C7: variants seen among roughly 807,000 people sequenced by gnomAD.
The protein encoded by C7 is complement component C7.
C7 carries 83 observed loss-of-function variants against 104.8 expected under a neutral mutation model. The ratio of observed to expected loss-of-function variants is 0.79; its 90% CI spans 0.66 to 0.95. The LOEUF (loss-of-function observed/expected upper bound fraction) is 0.95. C7 is among the 40% of genes least tolerant of loss of function. The pLI, the probability that C7 is intolerant of heterozygous loss-of-function variation, is 0.00. For missense variants in C7, 1,070 were observed against 1,011.2 expected (o/e 1.06, Z -0.79); for synonymous variants, 415 against 360.6 (o/e 1.15, Z -1.71).
Position 40,959,548 on chromosome 5 carries a change from G to T in C7, c.1589G>T (p.Gly530Val). The T allele has an allele frequency of 6.2e-7, 1 of 1,611,076 alleles. No homozygotes were observed. Among genetic ancestry groups the T allele is most frequent in the Non-Finnish European group, 8.5e-7 (1 of 1,179,106 alleles). Residue 530 changes from glycine to valine, a missense_variant, in exon 12 of 18, where the codon GGG (glycine) becomes GTG (valine). Gly to Val is a moderately radical substitution (Grantham distance 109). Transcript: ENST00000313164. ...SRECNNPPPS[G>V]GGRSCVGETT... is the part of the protein sequence containing the mutation. ...GAATGCAATAACCCACCTCCCAGTG[G>T]GGGTGGGAGATCCTGCGTTGGAGAA...
At chr5:40,973,886 G>A (rs1251632980) in intron 15 of C7, among the ~76,000 whole-genome samples, 1 of 152,194 alleles carries the variant, frequency 6.6e-6, no homozygotes, top group Non-Finnish European at 1.5e-5. Flanking sequence ...TTCTATTAAA[G>A]TGGGTTTTAA....
chr5:40,959,490 C>G lies in C7; in HGVS notation c.1531C>G (p.Pro511Ala). 1 of 1,611,250 alleles carries G rather than the reference C, an allele frequency of 6.2e-7. No homozygotes were observed. Among genetic ancestry groups the G allele is most frequent in the Non-Finnish European group, 8.5e-7 (1 of 1,179,232 alleles). Residue 511 changes from proline (P) to alanine (A), a missense_variant, in exon 12 of 18, where the codon CCC becomes GCC. Physicochemically the swap from Pro to Ala is conservative, Grantham distance 27. Coordinates refer to ENST00000313164, the MANE Select transcript of C7 (RefSeq NM_000587.4). ...TTGGAGTTGCTGGTCCTCTTGGAGC[C>G]CCTGTGTCCAAGGGAAGAAAACAAG... is the stretch of plus-strand genomic sequence containing the variant. Reference protein sequence around the residue: ...GGWSCWSSWSPCVQGKKTRSR... With the variant: ...GGWSCWSSWSACVQGKKTRSR...
chr5:40,975,825 T>C (rs547233005), intron 15 of C7, among the ~76,000 whole-genome samples: 43 of 152,346 alleles, frequency 2.8e-4, no homozygotes, highest in Admixed American at 6.5e-4. Flanking sequence ...TTTCATAGTT[T>C]GTGTATTCAT....
In C7 at chr5:40,950,079, A is replaced by G; in HGVS notation, c.1093+65A>G. Reference sequence around the variant, plus strand: ...TCTTTTTTTTTTACTTTTAAGTTCAAGGGTACGCGTGAAGTTATGTAGGTA... The same window carrying G: ...TCTTTTTTTTTTACTTTTAAGTTCAGGGGTACGCGTGAAGTTATGTAGGTA... On this transcript the variant is annotated intron_variant, in intron 9 of 17. Coordinates refer to ENST00000313164, the MANE Select transcript of C7 (RefSeq NM_000587.4). The G allele has an allele frequency of 6.6e-6, 6 of 912,018 alleles. No homozygotes were observed. The South Asian group carries it at 9.6e-5, about 15-fold the overall frequency. 56.5% of individuals were successfully genotyped at this position (912,018 alleles called of 1,614,324 possible).
chr5:40,941,384 C>T (rs1442388143), intron 6 of C7, among the ~76,000 whole-genome samples: 6 of 152,016 alleles, frequency 3.9e-5, no homozygotes, highest in Non-Finnish European at 7.4e-5. Flanking sequence ...TTTTGAATAA[C>T]TGAATGAAGT....
At chr5:40,974,639 C>T (rs1232046446) in intron 15 of C7, among the ~76,000 whole-genome samples, 3 of 152,020 alleles carry the variant, frequency 2.0e-5, no homozygotes, top group South Asian at 4.1e-4. Flanking sequence ...AGGATGGTCC[C>T]GATCTCCTGA....
At chr5:40,973,252 G>T (rs1740736924) in intron 15 of C7, among the ~76,000 whole-genome samples, 1 of 152,044 alleles carries the variant, frequency 6.6e-6, no homozygotes, top group African/African-American at 2.4e-5. Context: ...AGATAGATTT[G>T]TTTGACAATA....
intron 1 of C7, among the ~76,000 whole-genome samples, chr5:40,921,271 C>CA (rs1227508044): frequency 6.6e-6 from 1 of 151,780 alleles, no homozygotes; most frequent in African/African-American, 2.4e-5. Context: ...AAAGATTCTA[C>CA]AAAAAATACT....
chr5:40,915,692 C>A (rs1739303737), intron 1 of C7, among the ~76,000 whole-genome samples: 1 of 152,114 alleles, frequency 6.6e-6, no homozygotes, highest in Non-Finnish European at 1.5e-5. Context: ...AAATAACCTC[C>A]CCCAACATTG....
intron 16 of C7, among the ~76,000 whole-genome samples, chr5:40,978,210 C>T (rs991112077): frequency 4.6e-5 from 7 of 151,172 alleles, no homozygotes; most frequent in East Asian, 1.9e-4. Flanking sequence ...TTATCAAAAC[C>T]GATATCCAAC....
intron 13 of C7, 118 bp downstream of exon 13, chr5:40,962,290 C>T: frequency 1.8e-6 from 1 of 554,026 alleles, no homozygotes; most frequent in Non-Finnish European, 3.0e-6. Flanking sequence ...TTTATATATG[C>T]ATTTTAGTTT....
At chr5:40,960,099 G>A (rs1403587474) in intron 12 of C7, among the ~76,000 whole-genome samples, 2 of 152,144 alleles carry the variant, frequency 1.3e-5, no homozygotes, top group South Asian at 4.2e-4. Flanking sequence ...TAAGCATAGA[G>A]CCAGTTGCTT....
chr5:40,917,504 C>T (rs879605900), intron 1 of C7, among the ~76,000 whole-genome samples: 5 of 152,104 alleles, frequency 3.3e-5, no homozygotes, highest in Admixed American at 3.3e-4. Context: ...CTCTTTACCA[C>T]ATTTTCTTTA....
chr5:40,923,055 A>G (rs1219344264), intron 1 of C7, among the ~76,000 whole-genome samples: 11 of 152,208 alleles, frequency 7.2e-5, no homozygotes, highest in Non-Finnish European at 2.9e-5. Flanking sequence ...ATTAGAGAAA[A>G]TATTTGCAAG....
intron 13 of C7, among the ~76,000 whole-genome samples, chr5:40,963,070 T>C (rs1157822055): frequency 6.6e-6 from 1 of 152,182 alleles, no homozygotes; most frequent in Admixed American, 6.6e-5. Context: ...ATGGAGTTCC[T>C]GAATGGAACA....
At chr5:40,916,644 A>G (rs768819199) in intron 1 of C7, among the ~76,000 whole-genome samples, 1 of 152,164 alleles carries the variant, frequency 6.6e-6, no homozygotes, top group Non-Finnish European at 1.5e-5. Context: ...CCCAACCCTT[A>G]CTTGTCTTTA....
chr5:40,913,565 GCT>G (rs1262896844), intron 1 of C7, among the ~76,000 whole-genome samples: 2 of 152,144 alleles, frequency 1.3e-5, no homozygotes, highest in African/African-American at 4.8e-5. Flanking sequence ...TGCAATCATA[GCT>G]CACTGCACCT....
intron 9 of C7, among the ~76,000 whole-genome samples, chr5:40,951,715 G>A (rs955291423): frequency 6.6e-6 from 1 of 152,190 alleles, no homozygotes; most frequent in African/African-American, 2.4e-5. Flanking sequence ...CATAGACTGA[G>A]CAGTATCAGA....
At position 40,984,603 on chromosome 5, in the gene C7, C is replaced by T. The variant is rs903844671; in HGVS notation, c.*3030C>T. Among the ~76,000 whole-genome samples, 7 of 152,128 alleles carry T rather than the reference C, an allele frequency of 4.6e-5. No individual in the cohort carries two copies. Among genetic ancestry groups the T allele is most frequent in the South Asian group, 2.1e-4 (1 of 4,824 alleles). ...TCCAATTAGTAATCACTTTTTCTTT[C>T]GGTCAAGGTATGTGTATTAATCAAT... On this transcript the variant is annotated 3_prime_UTR_variant, in exon 18 of 18. Coordinates refer to ENST00000313164, the MANE Select transcript of C7 (RefSeq NM_000587.4).
Sources: allele counts gnomAD v4.1 joint callset (sites outside exome capture counted in the v4.1 genomes callset), GRCh38; gene constraint gnomAD v4.1.1; transcripts MANE v1.5; gene names NCBI Gene and HGNC (gene_info 2026-07-23, HGNC 2026-07-21).